The following NKD2 variants were observed in gnomAD, a reference collection of about 807,000 sequenced individuals.
The protein encoded by NKD2 is NKD inhibitor of Wnt signaling pathway 2.
A neutral mutation model predicts 34.8 loss-of-function variants in NKD2; 43 were observed. That is an observed-to-expected ratio of 1.24 (90% CI 0.97 to 1.60). The LOEUF (loss-of-function observed/expected upper bound fraction) is 1.60. Among genes scored for constraint, NKD2 ranks in the 40% most tolerant of loss-of-function variants. The pLI is 0.00. For missense variants in NKD2, 675 were observed against 627.1 expected (o/e 1.08, Z -0.82); for synonymous variants, 278 against 265.1 (o/e 1.05, Z -0.47).
chr5:1,030,208 A>C (rs1389981294), intron 3 of NKD2, among the ~76,000 whole-genome samples: 2 of 152,114 alleles, frequency 1.3e-5, no homozygotes, highest in Non-Finnish European at 2.9e-5. Flanking sequence ...TGCGTCCCTC[A>C]GCCTGGGCAT....
At chr5:1,011,047 C>T (rs1409252176) in intron 3 of NKD2, among the ~76,000 whole-genome samples, 1 of 152,218 alleles carries the variant, frequency 6.6e-6, no homozygotes, top group Non-Finnish European at 1.5e-5. Flanking sequence ...GGCGTTTAGA[C>T]CTGCCACTCT....
In NKD2 at chr5:1,035,596, G is replaced by T. The variant is rs76125106; in HGVS notation, c.659+123G>T. The T allele has an allele frequency of 3.1e-3, 2,244 of 722,756 alleles. 28 individuals are homozygous for T. In the African/African-American group the frequency reaches 0.032, roughly 10 times the overall value. The allele number at this position is 722,756 out of a possible 1,614,324, so 44.8% of individuals were successfully genotyped here. A position where few individuals can be genotyped will look rare whatever the true frequency, so the allele number is the denominator to read the frequency against. On this transcript the variant is annotated intron_variant, in intron 8 of 9. Transcript: ENST00000296849. ...ATCCTCTAGGTCAGACCTGCAGGGG[G>T]CACCTGGTCCAGCAGCTCTGTGGGG...
chr5:1,017,255 T>TG (rs1292795476), intron 3 of NKD2, among the ~76,000 whole-genome samples: 2 of 152,126 alleles, frequency 1.3e-5, no homozygotes, highest in African/African-American at 4.8e-5. Context: ...AGGGACCCCA[T>TG]GTCCCTCTGC....
At position 1,036,262 on chromosome 5, in the gene NKD2, C is replaced by G. The variant is rs954118977; in HGVS notation, c.665C>G (p.Pro222Arg). ...CTTCTCTGTGCTCCAAGCAGGAGGCCCAGTACTGACCCCCAGCCCTGCTCG... is the reference window on the plus strand; with the variant it reads ...CTTCTCTGTGCTCCAAGCAGGAGGCGCAGTACTGACCCCCAGCCCTGCTCG... Reference protein sequence around the residue: ...DRRLSAHVRRPSTDPQPCSER... With the variant: ...DRRLSAHVRRRSTDPQPCSER... Residue 222 changes from proline (P) to arginine (R), a missense_variant, in exon 9 of 10, where the codon CCC becomes CGC. By Grantham distance (103) the Pro-to-Arg change is moderately radical. Coordinates refer to ENST00000296849, the MANE Select transcript of NKD2 (RefSeq NM_033120.4). 2.7e-5 allele frequency: 43 copies of G among 1,603,482 alleles called. No individual in the cohort carries two copies. Among genetic ancestry groups the G allele is most frequent in the Non-Finnish European group, 3.6e-5 (42 of 1,175,010 alleles).
At position 1,033,475 on chromosome 5, in the gene NKD2, G is replaced by GCCCGGTTGA; in HGVS notation, c.306_307insCCCGGTTGA (p.Pro102_Gly103insProGlyTer). 1 of 1,552,606 alleles carries GCCCGGTTGA rather than the reference G, an allele frequency of 6.4e-7. No homozygotes were observed. The highest frequency in any genetic ancestry group is 1.2e-5 in the South Asian group (1 of 84,246). ...CAAACCGCGAGGGCCCGCGAGGACC[G>GCCCGGTTGA]GGCGGGCAGCGCCTCAACATTGACG... is the stretch of plus-strand genomic sequence containing the variant. On this transcript the variant is annotated stop_gained and inframe_insertion, in exon 5 of 10. Transcript: ENST00000296849. LOFTEE classifies it high-confidence loss of function.
At position 1,032,245 on chromosome 5, in the gene NKD2, A is replaced by T. The variant is rs201448721; in HGVS notation, c.202+33A>T. 27 of 1,558,600 alleles carry T rather than the reference A, an allele frequency of 1.7e-5. No homozygotes were observed. In the East Asian group the frequency reaches 6.1e-4, roughly 35 times the overall value. Reference sequence around the variant, plus strand: ...CAGCTCCCGCAGCCCTCCCTCCCCAAACTCACAGACTTCATCCCGTACCAA... The same window carrying T: ...CAGCTCCCGCAGCCCTCCCTCCCCATACTCACAGACTTCATCCCGTACCAA... On this transcript the variant is annotated intron_variant, in intron 4 of 9. Coordinates refer to ENST00000296849, the MANE Select transcript of NKD2 (RefSeq NM_033120.4).
intron 5 of NKD2, among the ~76,000 whole-genome samples, chr5:1,033,700 G>A (rs1756738236): frequency 6.6e-6 from 1 of 152,258 alleles, no homozygotes; most frequent in Non-Finnish European, 1.5e-5. Context: ...AGTGCAGGAT[G>A]TTGCTGTGAA....
chr5:1,037,505 C>T (rs776647561), intron 9 of NKD2: 56 of 1,532,934 alleles, frequency 3.7e-5, no homozygotes, highest in African/African-American at 1.1e-4. Context: ...CTTTCTGCCA[C>T]GGCGCCCCAA....
intron 3 of NKD2, among the ~76,000 whole-genome samples, chr5:1,011,051 C>A (rs1456830266): frequency 1.3e-5 from 2 of 152,192 alleles, no homozygotes; most frequent in South Asian, 2.1e-4. Context: ...TTTAGACCTG[C>A]CACTCTACAC....
rs768749508 is a variant in NKD2 at position 1,037,850 on chromosome 5, C to T, written c.833C>T (p.Ser278Leu). Residue 278 changes from serine to leucine, a missense_variant, in exon 10 of 10, where the codon TCG becomes TTG. Coordinates refer to ENST00000296849, the MANE Select transcript of NKD2 (RefSeq NM_033120.4). Reference sequence around the variant, plus strand: ...AAGCAGGAGCCCCAGGGCAGGGCCTCGCACCTCCAGGCCCGGTCCCGCTCC... The same window carrying T: ...AAGCAGGAGCCCCAGGGCAGGGCCTTGCACCTCCAGGCCCGGTCCCGCTCC... ...QAKQEPQGRA[S>L]HLQARSRSQE... The T allele has an allele frequency of 1.4e-4, 225 of 1,594,564 alleles. No individual in the cohort carries two copies. Among genetic ancestry groups the T allele is most frequent in the Non-Finnish European group, 1.8e-4 (207 of 1,174,106 alleles).
In NKD2 at chr5:1,038,472, G is replaced by A; in HGVS notation, c.*99G>A. On this transcript the variant is annotated 3_prime_UTR_variant, in exon 10 of 10. Transcript: ENST00000296849. This position sits in a 1 kb window ranked among gnomAD's most constrained non-coding sequence, Gnocchi z 4.5. The stretch of plus-strand genomic sequence containing the variant: ...CGGCTGTGTGCCCATGGGGAGCCCA[G>A]CCCCCACCCCCCACCTCCGACAGCA... 1 of 1,531,108 alleles carries A rather than the reference G, an allele frequency of 6.5e-7. No homozygotes were observed. The highest frequency in any genetic ancestry group is 8.7e-7 in the Non-Finnish European group (1 of 1,144,822). The allele number at this position is 1,531,108 out of a possible 1,614,324, so 94.8% of individuals were successfully genotyped here. A position where few individuals can be genotyped will look rare whatever the true frequency, so the allele number is the denominator to read the frequency against.
intron 3 of NKD2, among the ~76,000 whole-genome samples, chr5:1,018,297 A>T (rs1053779207): frequency 2.0e-5 from 3 of 151,136 alleles, no homozygotes; most frequent in Non-Finnish European, 4.4e-5. Context: ...GGGGTGGAAG[A>T]CCCCACCCAC....
intron 3 of NKD2, among the ~76,000 whole-genome samples, chr5:1,020,547 C>T (rs747953781): frequency 6.6e-6 from 1 of 152,176 alleles, no homozygotes; most frequent in Non-Finnish European, 1.5e-5. Context: ...CAGCTTCCCC[C>T]TCCCATCCGC....
chr5:1,028,550 G>A (rs984601640), intron 3 of NKD2, among the ~76,000 whole-genome samples: 1 of 152,098 alleles, frequency 6.6e-6, no homozygotes, highest in South Asian at 2.1e-4. Flanking sequence ...GAGAGCCCCC[G>A]GCATCACAGG....
chr5:1,032,061 A>G, intron 3 of NKD2, 91 bp from the exon 4 acceptor site: 14 of 1,025,234 alleles, frequency 1.4e-5, no homozygotes, highest in Non-Finnish European at 2.1e-5. Flanking sequence ...GGCGAGTGTC[A>G]GGCTCCAGTC....
At chr5:1,029,876 C>T (rs933877199) in intron 3 of NKD2, among the ~76,000 whole-genome samples, 3 of 152,144 alleles carry the variant, frequency 2.0e-5, no homozygotes, top group South Asian at 2.1e-4. Flanking sequence ...GAGTGCTGTA[C>T]GCGCTGGCCC....
Position 1,009,582 on chromosome 5 carries a change from G to T in NKD2, c.141+22G>T. The T allele has an allele frequency of 7.0e-7, 1 of 1,434,384 alleles. No individual in the cohort carries two copies. The highest frequency in any genetic ancestry group is 1.4e-5 in the South Asian group (1 of 69,050). 88.9% of individuals were successfully genotyped at this position (1,434,384 alleles called of 1,614,324 possible). A position where few individuals can be genotyped will look rare whatever the true frequency, so the allele number is the denominator to read the frequency against. ...GCAGGTAGGCGGCGGGGCGGAGGCT[G>T]GGGTCGCGCTGCGCACCCGCCCGGG... is the stretch of plus-strand genomic sequence containing the variant. On this transcript the variant is annotated intron_variant, in intron 3 of 9. Coordinates refer to ENST00000296849, the MANE Select transcript of NKD2 (RefSeq NM_033120.4). This position sits in a 1 kb window ranked among gnomAD's most constrained non-coding sequence, Gnocchi z 6.9.
chr5:1,033,346 C>G, intron 4 of NKD2, 26 bp from the exon 5 acceptor site: 1 of 1,578,558 alleles, frequency 6.3e-7, no homozygotes, highest in Non-Finnish European at 8.6e-7. Flanking sequence ...CTCTGCCAGC[C>G]CCTTCGCCTC....
Position 1,009,254 on chromosome 5 carries a change from C to A in NKD2, c.61+40C>A. ...CGACGGGCGGGGCGGGGGGCGGCGACCCGGCCCGGGACCCTCAGAGCTAGG... is the reference window on the plus strand; with the variant it reads ...CGACGGGCGGGGCGGGGGGCGGCGAACCGGCCCGGGACCCTCAGAGCTAGG... On this transcript the variant is annotated intron_variant, in intron 2 of 9. Transcript: ENST00000296849. This position sits in a 1 kb window ranked among gnomAD's most constrained non-coding sequence, Gnocchi z 6.9. 2.1e-6 allele frequency: 1 copy of A among 486,716 alleles called. No individual in the cohort carries two copies. Among genetic ancestry groups the A allele is most frequent in the Non-Finnish European group, 3.6e-6 (1 of 280,090 alleles). The allele number at this position is 486,716 out of a possible 1,614,324, so 30.1% of individuals were successfully genotyped here.
Sources: gnomAD v4.1 joint callset for allele counts (sites outside exome capture counted in the v4.1 genomes callset) on GRCh38, gnomAD v4.1.1 for gene constraint, Gnocchi (gnomAD v3.1) non-coding constraint, MANE v1.5 for transcripts, NCBI Gene and HGNC (gene_info 2026-07-23, HGNC 2026-07-21) for gene names.